Variants in AVEN observed in about 807,000 individuals in gnomAD.
AVEN encodes apoptosis and caspase activation inhibitor, also known as cell death regulator Aven.
AVEN carries 41 observed loss-of-function variants against 38.1 expected under a neutral mutation model. The ratio of observed to expected loss-of-function variants is 1.08; its 90% CI spans 0.84 to 1.40. The LOEUF (loss-of-function observed/expected upper bound fraction) is 1.40. AVEN is among the 40% of genes most tolerant of loss of function. The probability of loss-of-function intolerance (pLI) is 0.00; values close to 1 mark genes in which losing one functional copy is unlikely to be tolerated. For missense variants in AVEN, 605 were observed against 438.8 expected (o/e 1.38, Z -3.38); for synonymous variants, 206 against 171.8 (o/e 1.20, Z -1.56).
At chr15:33,944,427 C>T (rs1468565537) in intron 2 of AVEN, among the ~76,000 whole-genome samples, 2 of 152,218 alleles carry the variant, frequency 1.3e-5, no homozygotes, top group East Asian at 3.8e-4. Flanking sequence ...AAGTGGACTT[C>T]TCCAGACAAG....
downstream of AVEN, chr15:33,857,659 T>TC: frequency 1.6e-6 from 2 of 1,252,040 alleles, no homozygotes; most frequent in Admixed American, 2.1e-5. Context: ...CTCCACCCCT[T>TC]CCCCATTTCC....
chr15:34,012,290 T>C (rs1353457991), intron 1 of AVEN, among the ~76,000 whole-genome samples: 1 of 151,382 alleles, frequency 6.6e-6, no homozygotes. Flanking sequence ...ACACACACAA[T>C]AAGTAGTGAC....
upstream of AVEN, among the ~76,000 whole-genome samples, chr15:34,040,736 G>A (rs886989197): frequency 1.3e-5 from 2 of 151,972 alleles, no homozygotes; most frequent in African/African-American, 2.4e-5. Context: ...AGATCAGCCT[G>A]GGCAACATGG....
chr15:34,062,935 C>A (rs1344278002), exon 5 of AVEN: 1 of 1,614,152 alleles, frequency 6.2e-7, no homozygotes. Context: ...CTCAGCTTAG[C>A]CTGTGCAGAT....
the AVEN span, chr15:33,853,158 C>A: frequency 2.4e-6 from 3 of 1,257,610 alleles, no homozygotes; most frequent in Non-Finnish European, 3.3e-6. Flanking sequence ...AAGTTCTCCA[C>A]ATACAAACAT....
chr15:33,961,351 T>C (rs926518608), intron 2 of AVEN, among the ~76,000 whole-genome samples: 8 of 152,200 alleles, frequency 5.3e-5, no homozygotes, highest in Admixed American at 3.9e-4. Flanking sequence ...GAATTTCTCT[T>C]ATTAAAGAAA....
At chr15:33,891,053 G>A (rs1185966585) in intron 2 of AVEN, among the ~76,000 whole-genome samples, 1 of 148,826 alleles carries the variant, frequency 6.7e-6, no homozygotes, top group Non-Finnish European at 1.5e-5. Flanking sequence ...AGGTTGCAGT[G>A]AGCCGAGATC....
At chr15:33,868,308 G>C (rs559892267) in intron 4 of AVEN, among the ~76,000 whole-genome samples, 50 of 151,648 alleles carry the variant, frequency 3.3e-4, no homozygotes, top group Middle Eastern at 3.4e-3. Context: ...TGGATCATGA[G>C]GTCAGGAGAT....
At chr15:34,067,072 C>G (rs1900531885) in intron 2 of AVEN, 1 of 152,274 alleles carries the variant, frequency 6.6e-6, no homozygotes, top group South Asian at 2.1e-4. Context: ...TTCTATGCCC[C>G]CAGTCTTCCA....
chr15:33,855,783 T>C (rs922334673), downstream of AVEN: 1 of 152,152 alleles, frequency 6.6e-6, no homozygotes, highest in Non-Finnish European at 1.5e-5. Context: ...AATCAAGAAA[T>C]TGACTCTGAC....
At chr15:34,015,498 T>TA (rs869203906) in intron 1 of AVEN, among the ~76,000 whole-genome samples, 4 of 150,504 alleles carry the variant, frequency 2.7e-5, no homozygotes, top group African/African-American at 9.8e-5. Flanking sequence ...TAAAAAAAAA[T>TA]AAAAAAATTC....
At chr15:34,020,328 A>G (rs1898150917) in intron 1 of AVEN, among the ~76,000 whole-genome samples, 3 of 152,178 alleles carry the variant, frequency 2.0e-5, no homozygotes. Flanking sequence ...AAAGAAAAAA[A>G]AATAGAGGTT....
At chr15:33,951,063 A>AGAGGAGG (rs1305165203) in intron 2 of AVEN, among the ~76,000 whole-genome samples, 2 of 148,516 alleles carry the variant, frequency 1.3e-5, no homozygotes, top group African/African-American at 5.0e-5. Context: ...GAGGAAGGGG[A>AGAGGAGG]GAGGAGGGAA....
intron 2 of AVEN, among the ~76,000 whole-genome samples, chr15:33,933,524 CAGAGAGAGAGAGAGAGAGAGAGAG>C (rs3086294): frequency 4.1e-4 from 19 of 46,650 alleles, no homozygotes; most frequent in Admixed American, 2.5e-3. Flanking sequence ...CACACACACA[CAGAGAGAGAGAGAGAGAGAGAGAG>C]AGAGAGAGAG....
intron 11 of AVEN, chr15:33,859,519 T>G: frequency 6.3e-7 from 1 of 1,593,208 alleles, no homozygotes; most frequent in South Asian, 1.1e-5. Context: ...TCTGAGCATC[T>G]TGCTAAAAAC....
rs557793410 is a variant in AVEN, at chr15:34,059,822, A to ATAGG, written n.1637+3099_1637+3100insCCTA. Reference sequence around the variant, plus strand: ...CTCAACGAGGCTGGAGGTCCTTCACAGGTGCCCCTATGGCATGTTGCACCC... The same window carrying ATAGG: ...CTCAACGAGGCTGGAGGTCCTTCACATAGGGGTGCCCCTATGGCATGTTGCACCC... On this transcript the variant is annotated intron_variant and non_coding_transcript_variant, in intron 5 of 11. Transcript: ENST00000675287. Among the ~76,000 whole-genome samples, 12 of 152,308 alleles carry ATAGG rather than the reference A, an allele frequency of 7.9e-5. No individual in the cohort carries two copies. The East Asian group carries it at 1.9e-3, about 25-fold the overall frequency.
chr15:34,002,987 A>C (rs769079620), intron 2 of AVEN, 45 bp downstream of exon 2: 1 of 1,485,790 alleles, frequency 6.7e-7, no homozygotes, highest in Non-Finnish European at 9.1e-7. Context: ...ATGTCTGTGC[A>C]ACTTTCAGAG....
chr15:34,052,506 G>T (rs1899962892), intron 5 of AVEN, among the ~76,000 whole-genome samples: 1 of 152,176 alleles, frequency 6.6e-6, no homozygotes, highest in Non-Finnish European at 1.5e-5. Context: ...GGGCAATCAG[G>T]CAAGAGAAAG....
rs1231466920 is a variant in AVEN at position 34,063,353 on chromosome 15, C to T, written n.1206G>A. 1.2e-6 allele frequency: 2 copies of T among 1,614,172 alleles called. No homozygotes were observed. The highest frequency in any genetic ancestry group is 4.5e-5 in the East Asian group (2 of 44,886). ...TCCCTGTTTCTGTCATGACCATCCT[C>T]TACTGTCGAATCTACCGGGAAACAG... On this transcript the variant is annotated non_coding_transcript_exon_variant, in exon 5 of 12. Coordinates refer to the AVEN transcript ENST00000675287. This position sits in a 1 kb window ranked among gnomAD's most constrained non-coding sequence, Gnocchi z 4.1.
Sources: allele counts gnomAD v4.1 joint callset (sites outside exome capture counted in the v4.1 genomes callset), GRCh38; gene constraint gnomAD v4.1.1; non-coding constraint Gnocchi (gnomAD v3.1); transcripts MANE v1.5; gene names NCBI Gene and HGNC (gene_info 2026-07-23, HGNC 2026-07-21).